MEFV: variants seen among roughly 807,000 people sequenced by gnomAD.
The protein encoded by MEFV is pyrin.
Under a neutral mutation model 62.5 loss-of-function variants are expected in MEFV, and 60 were observed. The observed-to-expected ratio is 0.96, with a 90% CI of 0.78 to 1.19. The LOEUF (loss-of-function observed/expected upper bound fraction) is 1.19, where lower values mean the gene tolerates loss of function less well. Ranked by LOEUF, MEFV falls within the 50% of genes most tolerant of loss-of-function variation. MEFV has a pLI of 0.00. For synonymous variants in MEFV, 500 were observed against 415.2 expected, an observed-to-expected ratio of 1.20 and a Z score of -2.48; for missense variants, 1,169 against 1,004.5, an observed-to-expected ratio of 1.16 and a Z score of -2.21.
At position 3,243,683 on chromosome 16, in the gene MEFV, G is replaced by C; in HGVS notation, c.1804C>G (p.Leu602Val). 1 of 1,609,862 alleles carries C rather than the reference G, an allele frequency of 6.2e-7. No individual in the cohort carries two copies. The highest frequency in any genetic ancestry group is 8.5e-7 in the Non-Finnish European group (1 of 1,177,990). ...TTGGGGTAAGCGGTTTCTGCATCCA[G>C]AATCACATTAACTGCAAAGAAAATT... is the stretch of plus-strand genomic sequence containing the variant. ...GAQAHAVNVI[L>V]DAETAYPNLI... The change falls in exon 10 of 10, where the codon CTG (leucine) becomes GTG (valine). Residue 602 changes from leucine to valine, a missense_variant. Physicochemically the swap from Leu to Val is conservative, Grantham distance 32. Coordinates refer to ENST00000219596, the MANE Select transcript of MEFV (RefSeq NM_000243.3).
intron 2 of MEFV, among the ~76,000 whole-genome samples, chr16:3,253,919 G>C (rs1392062357): frequency 6.6e-6 from 1 of 152,128 alleles, no homozygotes; most frequent in African/African-American, 2.4e-5. Flanking sequence ...TCAAAGCTCT[G>C]GGATTACAGG....
At chr16:3,244,079 A>C (rs768707349) in intron 8 of MEFV, 175 bp downstream of exon 8, 2 of 1,551,514 alleles carry the variant, frequency 1.3e-6, no homozygotes, top group Non-Finnish European at 1.7e-6. Context: ...TAATGAGTCA[A>C]CTCAGTCAAT....
At chr16:3,246,805 T>A (rs1285857737) in intron 5 of MEFV, among the ~76,000 whole-genome samples, 1 of 152,122 alleles carries the variant, frequency 6.6e-6, no homozygotes, top group Non-Finnish European at 1.5e-5. Flanking sequence ...ATGGCAGAGA[T>A]CCCCTGGATA....
intron 6 of MEFV, 165 bp downstream of exon 6, chr16:3,246,360 C>A (rs1447351217): frequency 2.7e-6 from 2 of 751,040 alleles, no homozygotes; most frequent in Non-Finnish European, 4.4e-6. Flanking sequence ...TGCCCTTCTC[C>A]CTATCAAATC....
chr16:3,247,187 G>T lies in MEFV; in HGVS notation c.1416C>A (p.Phe472Leu). ...CAAAGAAATGCTCTTGCTGCTCCAG[G>T]AAGTAGTACACCTGCTCCAGCTTCC... is the stretch of plus-strand genomic sequence containing the variant. Reference protein sequence around the residue: ...VQRKLEQVYYFLEQQEHFFVA... With the variant: ...VQRKLEQVYYLLEQQEHFFVA... The change falls in exon 5 of 10, where the codon TTC becomes TTA. Residue 472 changes from phenylalanine (F) to leucine (L), a missense_variant. Physicochemically the swap from Phe to Leu is conservative, Grantham distance 22 (BLOSUM62 0). Coordinates refer to ENST00000219596, the MANE Select transcript of MEFV (RefSeq NM_000243.3). 1 of 1,614,174 alleles carries T rather than the reference G, an allele frequency of 6.2e-7. No individual in the cohort carries two copies. The highest frequency in any genetic ancestry group is 8.5e-7 in the Non-Finnish European group (1 of 1,180,028).
In MEFV at chr16:3,254,449, C is replaced by T; in HGVS notation, c.619G>A (p.Ala207Thr). Reference sequence around the variant, plus strand: ...CCCTGCAGCCTCCCCGCGGAGCTGGCGTTTCTGCGCAGCCGGACCTCGGCC... The same window carrying T: ...CCCTGCAGCCTCCCCGCGGAGCTGGTGTTTCTGCGCAGCCGGACCTCGGCC... ...GQAEVRLRRN[A>T]SSAGRLQGLA... The change falls in exon 2 of 10, where the codon GCC becomes ACC. Residue 207 changes from alanine (A) to threonine (T), a missense_variant. By Grantham distance (58) the Ala-to-Thr change is moderately conservative (BLOSUM62 0). Coordinates refer to ENST00000219596, the MANE Select transcript of MEFV (RefSeq NM_000243.3). 1 of 1,608,426 alleles carries T rather than the reference C, an allele frequency of 6.2e-7. No homozygotes were observed. Among genetic ancestry groups the T allele is most frequent in the South Asian group, 1.1e-5 (1 of 90,938 alleles).
intron 6 of MEFV, among the ~76,000 whole-genome samples, chr16:3,245,590 C>A (rs544667427): frequency 6.6e-5 from 10 of 151,620 alleles, no homozygotes; most frequent in Non-Finnish European, 1.0e-4. Flanking sequence ...GCCAAGATCG[C>A]GCCACTGCAC....
chr16:3,256,330 GAGCTCCTCGGCCAGC>G lies in MEFV; in HGVS notation c.243_257del (p.Leu82_Leu86del). 6.2e-7 allele frequency: 1 copy of G among 1,613,888 alleles called. No individual in the cohort carries two copies. The highest frequency in any genetic ancestry group is 8.5e-7 in the Non-Finnish European group (1 of 1,179,998). ...GCTTACCCTGAATGGCTGCCCTGTG[GAGCTCCTCGGCCAGC>G]AGGCGCTGGTTGATGGCCCGCAGGA... is the stretch of plus-strand genomic sequence containing the variant. On this transcript the variant is annotated inframe_deletion, in exon 1 of 10. Coordinates refer to ENST00000219596, the MANE Select transcript of MEFV (RefSeq NM_000243.3).
rs1959000307 is a variant in MEFV, at chr16:3,249,590, TAGGCTTCCCGGGCTCTTCCTTTCATGGG to T, written c.1073_1100del (p.Ser358Ter). On this transcript the variant is annotated frameshift_variant, in exon 3 of 10. Transcript: ENST00000219596. LOFTEE classifies it high-confidence loss of function. ...TACACTGTGGCAGGGGCTGGGGGCT[TAGGCTTCCCGGGCTCTTCCTTTCATGGG>T]AGTCCTGGCACCGGGGGCAGCCAGG... is the stretch of plus-strand genomic sequence containing the variant. 1 of 1,614,056 alleles carries T rather than the reference TAGGCTTCCCGGGCTCTTCCTTTCATGGG, an allele frequency of 6.2e-7. No individual in the cohort carries two copies.
At chr16:3,246,762 C>T (rs959617034) in intron 5 of MEFV, among the ~76,000 whole-genome samples, 3 of 152,174 alleles carry the variant, frequency 2.0e-5, no homozygotes, top group South Asian at 2.1e-4. Flanking sequence ...TGCAATGGAA[C>T]GGCCCTCAAG....
chr16:3,254,538 G>T lies in MEFV; in HGVS notation c.530C>A (p.Thr177Asn), dbSNP rs104895143. 1.3e-6 allele frequency: 2 copies of T among 1,555,692 alleles called. No homozygotes were observed. The highest frequency in any genetic ancestry group is 1.4e-5 in the African/African-American group (1 of 73,692). ...CCCGCCCGGCAGGGCCGGGCTCCGG[G>T]TCCGAGGCTTGCCCTGCGCGTCCAG... ...EGLDAQGKPR[T>N]RSPALPGGRS... The change falls in exon 2 of 10, where the codon ACC (threonine) becomes AAC (asparagine). Residue 177 changes from threonine (T) to asparagine (N), a missense_variant. Physicochemically the swap from Thr to Asn is moderately conservative, Grantham distance 65 (BLOSUM62 0). Transcript: ENST00000219596.
In MEFV at chr16:3,244,422, C is replaced by T. The variant is rs369514835; in HGVS notation, c.1726+51G>A. On this transcript the variant is annotated intron_variant, in intron 7 of 9. Transcript: ENST00000219596. Reference sequence around the variant, plus strand: ...GTGAGGGGCTCTGGGCTATGTGGATCTTAGGGAGGAAGTGAGCATGCACCT... The same window carrying T: ...GTGAGGGGCTCTGGGCTATGTGGATTTTAGGGAGGAAGTGAGCATGCACCT... 3.8e-6 allele frequency: 6 copies of T among 1,596,692 alleles called. No homozygotes were observed. The African/African-American group carries it at 8.1e-5, about 21-fold the overall frequency.
chr16:3,244,596 C>T lies in MEFV; in HGVS notation c.1611-8G>A. The T allele has an allele frequency of 6.2e-7, 1 of 1,609,796 alleles. No homozygotes were observed. The highest frequency in any genetic ancestry group is 1.1e-5 in the South Asian group (1 of 90,978). On this transcript the variant is annotated splice_region_variant and splice_polypyrimidine_tract_variant and intron_variant, in intron 6 of 9. Coordinates refer to ENST00000219596, the MANE Select transcript of MEFV (RefSeq NM_000243.3). ...ACAGGCACTGTCTTAGCCCTAGAGACAAAAGACTGTTGACCAGAGAAGGCC... is the reference window on the plus strand; with the variant it reads ...ACAGGCACTGTCTTAGCCCTAGAGATAAAAGACTGTTGACCAGAGAAGGCC...
chr16:3,248,181 C>T (rs1202991582), intron 4 of MEFV, among the ~76,000 whole-genome samples: 1 of 151,880 alleles, frequency 6.6e-6, no homozygotes, highest in Non-Finnish European at 1.5e-5. Flanking sequence ...ATTGCTTGAA[C>T]CTCGGAGGTG....
At chr16:3,247,378 T>A in intron 4 of MEFV, 132 bp from the exon 5 acceptor site, 1 of 699,992 alleles carries the variant, frequency 1.4e-6, no homozygotes, top group Non-Finnish European at 2.5e-6. Flanking sequence ...AGGCCTAGAT[T>A]CCAGAGCAGG....
At position 3,243,674 on chromosome 16, in the gene MEFV, C is replaced by T. The variant is rs1958895899; in HGVS notation, c.1813G>A (p.Glu605Lys). The change falls in exon 10 of 10, where the codon GAA becomes AAA. Residue 605 changes from glutamate (E) to lysine (K), a missense_variant. Coordinates refer to ENST00000219596, the MANE Select transcript of MEFV (RefSeq NM_000243.3). ...AAGATGAGGTTGGGGTAAGCGGTTT[C>T]TGCATCCAGAATCACATTAACTGCA... ...AHAVNVILDA[E>K]TAYPNLIFSD... The T allele has an allele frequency of 6.2e-7, 1 of 1,608,160 alleles. No individual in the cohort carries two copies. Among genetic ancestry groups the T allele is most frequent in the East Asian group, 2.2e-5 (1 of 44,826 alleles).
chr16:3,256,173 C>T (rs1959112255), intron 1 of MEFV, 138 bp downstream of exon 1: 2 of 1,045,568 alleles, frequency 1.9e-6, no homozygotes, highest in Admixed American at 2.0e-5. Flanking sequence ...CGTTCCTGAA[C>T]TAAAGTCATC....
Position 3,242,672 on chromosome 16 carries a change from C to CAA in MEFV, c.*467_*468dup, listed in dbSNP as rs61379197. The CAA allele has an allele frequency of 3.1e-4, 56 of 180,630 alleles. No individual in the cohort carries two copies. The highest frequency in any genetic ancestry group is 7.2e-4 in the East Asian group (5 of 6,942). 11.2% of individuals were successfully genotyped at this position (180,630 alleles called of 1,614,324 possible). Reference sequence around the variant, plus strand: ...TGGGCCACAGAGCAAGATTTGGTCTCAAAAAAAAAAAAAAAAAATCATAGT... The same window carrying CAA: ...TGGGCCACAGAGCAAGATTTGGTCTCAAAAAAAAAAAAAAAAAAAATCATAGT... On this transcript the variant is annotated 3_prime_UTR_variant, in exon 10 of 10. Coordinates refer to ENST00000219596, the MANE Select transcript of MEFV (RefSeq NM_000243.3).
In MEFV at chr16:3,247,214, C is replaced by T. The variant is rs766949042; in HGVS notation, c.1389G>A (p.Gln463=). ...AGTAGTACACCTGCTCCAGCTTCCT[C>T]TGCACCCGCTGCTTCAGCGCTTCAG... ...KQTEALKQRV[Q]RKLEQVYYFL... Residue 463 remains glutamine, a synonymous_variant, in exon 5 of 10, where the codon CAG becomes CAA. Transcript: ENST00000219596. 6.2e-7 allele frequency: 1 copy of T among 1,614,204 alleles called. No individual in the cohort carries two copies. Among genetic ancestry groups the T allele is most frequent in the Non-Finnish European group, 8.5e-7 (1 of 1,180,040 alleles).
Sources: allele counts gnomAD v4.1 joint callset (sites outside exome capture counted in the v4.1 genomes callset), GRCh38; gene constraint gnomAD v4.1.1; transcripts MANE v1.5; gene names NCBI Gene and HGNC (gene_info 2026-07-23, HGNC 2026-07-21).